The following RERG variants were observed in gnomAD, a reference collection of about 807,000 sequenced individuals.
The protein encoded by RERG is RAS like estrogen regulated growth inhibitor.
A neutral mutation model predicts 23.2 loss-of-function variants in RERG; 25 were observed. The ratio of observed to expected loss-of-function variants is 1.08; its 90% CI spans 0.79 to 1.50. The LOEUF is 1.50. Ranked by LOEUF, RERG falls within the 40% of genes most tolerant of loss-of-function variation. The pLI, the probability that RERG is intolerant of heterozygous loss-of-function variation, is 0.00. For synonymous variants in RERG, 81 were observed against 89.1 expected (o/e 0.91, Z 0.51); for missense variants, 253 against 250.1 (o/e 1.01, Z -0.08).
chr12:15,154,799 T>C (rs1378277710), intron 2 of RERG, among the ~76,000 whole-genome samples: 1 of 152,120 alleles, frequency 6.6e-6, no homozygotes, highest in Non-Finnish European at 1.5e-5. Context: ...TAAAGACTAT[T>C]ATGTAAACAG....
Position 15,125,707 on chromosome 12 carries a change from C to G in RERG, c.62-4588G>C, listed in dbSNP as rs187269426. 1.6e-3 allele frequency among the ~76,000 whole-genome samples: 240 copies of G among 152,044 alleles called. 2 individuals are homozygous for G. The highest frequency in any genetic ancestry group is 5.6e-3 in the African/African-American group (231 of 41,516). On this transcript the variant is annotated intron_variant, in intron 2 of 4. Coordinates refer to ENST00000256953, the MANE Select transcript of RERG (RefSeq NM_032918.3). ...GAGAGGATTTAATACAACATGGGAACTGTTTTCTCATTTCATTAAGCATGA... is the reference window on the plus strand; with the variant it reads ...GAGAGGATTTAATACAACATGGGAAGTGTTTTCTCATTTCATTAAGCATGA...
At chr12:15,171,467 A>G (rs1008932572) in intron 2 of RERG, among the ~76,000 whole-genome samples, 3 of 152,110 alleles carry the variant, frequency 2.0e-5, no homozygotes, top group Non-Finnish European at 2.9e-5. Flanking sequence ...GATAGAGTGT[A>G]GGATATCCTG....
intron 2 of RERG, among the ~76,000 whole-genome samples, chr12:15,144,604 C>G (rs1426223071): frequency 6.6e-6 from 1 of 152,176 alleles, no homozygotes; most frequent in Non-Finnish European, 1.5e-5. Context: ...GAACTGGGAA[C>G]TGGATTTGGC....
At chr12:15,213,968 G>A (rs1213899101) in intron 2 of RERG, among the ~76,000 whole-genome samples, 4 of 150,054 alleles carry the variant, frequency 2.7e-5, no homozygotes, top group Admixed American at 2.0e-4. Context: ...CAGATTTTAG[G>A]TTCAAGAAAG....
chr12:15,123,479 TA>T lies in RERG; in HGVS notation c.62-2361del, dbSNP rs1328721234. 2.7e-5 allele frequency among the ~76,000 whole-genome samples: 4 copies of T among 147,998 alleles called. No individual in the cohort carries two copies. In the East Asian group the frequency reaches 7.8e-4, roughly 29 times the overall value. On this transcript the variant is annotated intron_variant, in intron 2 of 4. Transcript: ENST00000256953. ...AAAAACTCAAAAAAGTTATATATAT[TA>T]TTATATAAATATATATATATTCAAA... is the stretch of plus-strand genomic sequence containing the variant.
chr12:15,158,493 G>A (rs1864555827), intron 2 of RERG, among the ~76,000 whole-genome samples: 1 of 151,996 alleles, frequency 6.6e-6, no homozygotes, highest in South Asian at 2.1e-4. Flanking sequence ...TGTTGCCCAG[G>A]CTGGGATCAA....
chr12:15,176,117 A>G (rs369522911), intron 2 of RERG, among the ~76,000 whole-genome samples: 55 of 152,322 alleles, frequency 3.6e-4, no homozygotes, highest in African/African-American at 1.2e-3. Flanking sequence ...AGGGCAAATT[A>G]TAGAGGTAGA....
At chr12:15,187,655 T>C (rs957746423) in intron 2 of RERG, among the ~76,000 whole-genome samples, 1 of 152,092 alleles carries the variant, frequency 6.6e-6, no homozygotes, top group Non-Finnish European at 1.5e-5. Context: ...TCCTGCCTTA[T>C]TCAAGCAATT....
intron 2 of RERG, among the ~76,000 whole-genome samples, chr12:15,149,451 A>T (rs902028097): frequency 1.3e-5 from 2 of 152,214 alleles, no homozygotes; most frequent in Non-Finnish European, 2.9e-5. Context: ...GTGGGAGGGG[A>T]GGTGGATGAT....
intron 2 of RERG, among the ~76,000 whole-genome samples, chr12:15,188,554 C>T (rs188239308): frequency 6.6e-6 from 1 of 152,008 alleles, no homozygotes; most frequent in Non-Finnish European, 1.5e-5. Context: ...CTGGGCATGG[C>T]ATTCATCTTC....
intron 2 of RERG, among the ~76,000 whole-genome samples, chr12:15,176,085 G>A (rs1453504331): frequency 6.6e-6 from 1 of 152,192 alleles, no homozygotes; most frequent in Non-Finnish European, 1.5e-5. Context: ...TAGTGTGCCA[G>A]TGTTTTCATG....
At chr12:15,180,354 A>G (rs1864907111) in intron 2 of RERG, among the ~76,000 whole-genome samples, 1 of 152,172 alleles carries the variant, frequency 6.6e-6, no homozygotes, top group African/African-American at 2.4e-5. Context: ...TCAGTCTCCC[A>G]GAACTGTCCA....
chr12:15,120,686 A>C (rs1863815283), intron 3 of RERG, among the ~76,000 whole-genome samples: 1 of 152,132 alleles, frequency 6.6e-6, no homozygotes, highest in African/African-American at 2.4e-5. Context: ...CATATTCAGT[A>C]GTTTTATTTT....
intron 2 of RERG, among the ~76,000 whole-genome samples, chr12:15,189,690 A>C (rs921811015): frequency 1.3e-5 from 2 of 152,172 alleles, no homozygotes; most frequent in African/African-American, 4.8e-5. Flanking sequence ...GTAGGTGGTA[A>C]ATAAACATTT....
At chr12:15,117,829 G>A (rs1057080784) in intron 3 of RERG, among the ~76,000 whole-genome samples, 2 of 152,000 alleles carry the variant, frequency 1.3e-5, no homozygotes, top group African/African-American at 4.8e-5. Flanking sequence ...TTCAGAACAT[G>A]GATCCTGTTG....
intron 2 of RERG, among the ~76,000 whole-genome samples, chr12:15,214,007 T>G: frequency 7.8e-6 from 1 of 128,112 alleles, no homozygotes. Flanking sequence ...TGTGTGTGTG[T>G]GTGTGTGTGT....
chr12:15,187,764 G>A (rs1472246156), intron 2 of RERG, among the ~76,000 whole-genome samples: 1 of 151,730 alleles, frequency 6.6e-6, no homozygotes, highest in African/African-American at 2.4e-5. Context: ...TTGCCATGTT[G>A]GCCAGGCTGG....
intron 2 of RERG, among the ~76,000 whole-genome samples, chr12:15,203,337 T>G (rs1244951996): frequency 1.3e-5 from 2 of 151,806 alleles, no homozygotes; most frequent in East Asian, 3.9e-4. Context: ...GTCCCACTTG[T>G]CTATTTTTGC....
chr12:15,109,258 G>A lies in RERG; in HGVS notation c.452C>T (p.Thr151Ile), dbSNP rs751294438. Residue 151 changes from threonine (T) to isoleucine (I), a missense_variant, in exon 5 of 5, where the codon ACT (threonine) becomes ATT (isoleucine). Coordinates refer to ENST00000256953, the MANE Select transcript of RERG (RefSeq NM_032918.3). Reference protein sequence around the residue: ...ACAFYECSACTGEGNITEIFY... With the variant: ...ACAFYECSACIGEGNITEIFY... ...TATCTCTGTGATGTTCCCTTCTCCAGTGCAGGCAGAGCACTCGTAAAAAGC... is the reference window on the plus strand; with the variant it reads ...TATCTCTGTGATGTTCCCTTCTCCAATGCAGGCAGAGCACTCGTAAAAAGC... 17 of 1,614,008 alleles carry A rather than the reference G, an allele frequency of 1.1e-5. No homozygotes were observed. The highest frequency in any genetic ancestry group is 1.1e-5 in the Non-Finnish European group (13 of 1,180,018).
Sources: allele counts gnomAD v4.1 joint callset (sites outside exome capture counted in the v4.1 genomes callset), GRCh38; gene constraint gnomAD v4.1.1; transcripts MANE v1.5; gene names NCBI Gene and HGNC (gene_info 2026-07-23, HGNC 2026-07-21).